FIGNL2: variants seen among roughly 807,000 people sequenced by gnomAD.
The protein encoded by FIGNL2 is fidgetin-like protein 2.
For synonymous variants in FIGNL2, 565 were observed against 484.0 expected (o/e 1.17, Z -2.20); for missense variants, 1,060 against 950.2 (o/e 1.12, Z -1.52).
rs190218546 is a variant in FIGNL2 at position 51,847,792 on chromosome 12, T to G, written c.-12+748A>C. On this transcript the variant is annotated intron_variant, in intron 1 of 1. Coordinates refer to ENST00000618634, the MANE Select transcript of FIGNL2 (RefSeq NM_001384995.1). The stretch of plus-strand genomic sequence containing the variant: ...GGGGGGTTGCTAGCATGCGAATCTC[T>G]GTGTAGAACAGGAGAGGGCTCTTGC... 2.5e-3 allele frequency: 2,487 copies of G among 984,850 alleles called. 28 individuals are homozygous for G. The Admixed American group carries it at 0.05, about 20-fold the overall frequency. The allele number at this position is 984,850 out of a possible 1,614,324, so 61.0% of individuals were successfully genotyped here. A position where few individuals can be genotyped will look rare whatever the true frequency, so the allele number is the denominator to read the frequency against.
intron 1 of FIGNL2, among the ~76,000 whole-genome samples, chr12:51,827,885 A>G (rs1939377080): frequency 6.6e-6 from 1 of 152,188 alleles, no homozygotes; most frequent in African/African-American, 2.4e-5. Flanking sequence ...TGTCATCCCC[A>G]TCGCCTCCCC....
chr12:51,836,254 G>A (rs1201152399), intron 1 of FIGNL2, among the ~76,000 whole-genome samples: 2 of 152,130 alleles, frequency 1.3e-5, no homozygotes, highest in Non-Finnish European at 2.9e-5. Context: ...AGGAGAGGAG[G>A]GACAGGCGGA....
intron 1 of FIGNL2, chr12:51,846,989 C>A: frequency 1.0e-6 from 1 of 983,164 alleles, no homozygotes; most frequent in Non-Finnish European, 1.2e-6. Context: ...CAGCAAGCCC[C>A]GCCCCTTTCC....
chr12:51,834,783 G>A (rs1408826783), intron 1 of FIGNL2, among the ~76,000 whole-genome samples: 1 of 152,246 alleles, frequency 6.6e-6, no homozygotes, highest in Admixed American at 6.5e-5. Context: ...GAGAGGCCAG[G>A]CCAGGGGCCC....
At chr12:51,844,819 C>T (rs1939717498) in intron 1 of FIGNL2, 1 of 985,304 alleles carries the variant, frequency 1.0e-6, no homozygotes, top group African/African-American at 1.7e-5. Context: ...CCAGTGTGAA[C>T]TCTTCCCACT....
At chr12:51,830,640 C>T (rs1032465464) in intron 1 of FIGNL2, among the ~76,000 whole-genome samples, 16 of 149,946 alleles carry the variant, frequency 1.1e-4, no homozygotes, top group Non-Finnish European at 1.6e-4. Flanking sequence ...TACAGGCGCC[C>T]ACCACTACAC....
chr12:51,829,478 G>C (rs1381563762), intron 1 of FIGNL2, among the ~76,000 whole-genome samples: 2 of 152,194 alleles, frequency 1.3e-5, no homozygotes, highest in Admixed American at 6.5e-5. Context: ...TCTTTCCCCA[G>C]TTCTGGGCCA....
chr12:51,820,533 C>T lies in FIGNL2; in HGVS notation c.1881G>A (p.Leu627=). The change falls in exon 2 of 2, where the codon CTG becomes CTA. Residue 627 remains leucine (L), a synonymous_variant. Transcript: ENST00000618634. ...PLSYKDLEAA[L]AKVGPRASAK... is the part of the protein sequence containing the mutation. ...CAGAGGCCCTAGGGCCCACCTTGGCCAGCGCCGCCTCCAGGTCCTTGTAGG... is the reference window on the plus strand; with the variant it reads ...CAGAGGCCCTAGGGCCCACCTTGGCTAGCGCCGCCTCCAGGTCCTTGTAGG... 1 of 1,556,396 alleles carries T rather than the reference C, an allele frequency of 6.4e-7. No individual in the cohort carries two copies.
At chr12:51,841,091 C>G (rs1406348545) in intron 1 of FIGNL2, among the ~76,000 whole-genome samples, 1 of 152,242 alleles carries the variant, frequency 6.6e-6, no homozygotes, top group Non-Finnish European at 1.5e-5. Context: ...CCCCTCCTGC[C>G]CTCTTCCCAG....
chr12:51,848,004 TA>T, intron 1 of FIGNL2: 1 of 675,948 alleles, frequency 1.5e-6, no homozygotes, highest in Non-Finnish European at 1.8e-6. Context: ...GCGGGGACCC[TA>T]AGTAGCCTCG....
Position 51,822,146 on chromosome 12 carries a change from T to G in FIGNL2, c.268A>C (p.Asn90His). ...GGCTCGGGATCCCCTTTGGCGCCGT[T>G]GAGGAAGGAGGCGTCGCTGTACCCG... ...LGGYSDASFL[N>H]GAKGDPEPWP... The change falls in exon 2 of 2, where the codon AAC becomes CAC. Residue 90 changes from asparagine (N) to histidine (H), a missense_variant. Physicochemically the swap from Asn to His is moderately conservative, Grantham distance 68. Coordinates refer to ENST00000618634, the MANE Select transcript of FIGNL2 (RefSeq NM_001384995.1). The G allele has an allele frequency of 6.2e-7, 1 of 1,611,332 alleles. No homozygotes were observed. Among genetic ancestry groups the G allele is most frequent in the East Asian group, 2.2e-5 (1 of 44,730 alleles).
At chr12:51,822,989 GATTCCAAGGCCCCGTGTGGGC>G (rs1264879022) in intron 1 of FIGNL2, among the ~76,000 whole-genome samples, 1 of 152,246 alleles carries the variant, frequency 6.6e-6, no homozygotes, top group East Asian at 1.9e-4. Flanking sequence ...GAGATTCTGA[GATTCCAAGGCCCCGTGTGGGC>G]CTGAGGTCAG....
intron 1 of FIGNL2, chr12:51,846,870 G>A (rs1391348097): frequency 8.6e-5 from 45 of 520,430 alleles, no homozygotes; most frequent in Non-Finnish European, 1.0e-4. Flanking sequence ...CACGAGGGTC[G>A]CTCCCGTCTG....
chr12:51,847,051 C>A, intron 1 of FIGNL2: 11 of 985,376 alleles, frequency 1.1e-5, no homozygotes, highest in Non-Finnish European at 1.3e-5. Flanking sequence ...CTCGCGCGGC[C>A]GCCCGGTACC....
rs1276923186 is a variant in FIGNL2 at position 51,822,249 on chromosome 12, A to G, written c.165T>C (p.Thr55=). 6.2e-7 allele frequency: 1 copy of G among 1,611,400 alleles called. No individual in the cohort carries two copies. The highest frequency in any genetic ancestry group is 1.1e-5 in the South Asian group (1 of 90,486). Residue 55 remains threonine, a synonymous_variant, in exon 2 of 2, where the codon ACT becomes ACC. Transcript: ENST00000618634. Reference sequence around the variant, plus strand: ...CATAGCGCTTTAGGAGGTTGGAGGCAGTGAGGGCTGAGATGTCGTCGTGTG... The same window carrying G: ...CATAGCGCTTTAGGAGGTTGGAGGCGGTGAGGGCTGAGATGTCGTCGTGTG... ...AWAHDDISAL[T]ASNLLKRYAE... is the part of the protein sequence containing the mutation.
chr12:51,847,794 T>A, intron 1 of FIGNL2: 1 of 985,240 alleles, frequency 1.0e-6, no homozygotes, highest in Non-Finnish European at 1.2e-6. Flanking sequence ...CGAATCTCTG[T>A]GTAGAACAGG....
chr12:51,820,958 A>C lies in FIGNL2; in HGVS notation c.1456T>G (p.Ser486Ala). 1.6e-6 allele frequency: 2 copies of C among 1,236,140 alleles called. No individual in the cohort carries two copies. The highest frequency in any genetic ancestry group is 2.0e-6 in the Non-Finnish European group (2 of 992,222). 76.6% of individuals were successfully genotyped at this position (1,236,140 alleles called of 1,614,324 possible). Residue 486 changes from serine to alanine, a missense_variant, in exon 2 of 2, where the codon TCC becomes GCC. Ser to Ala is a moderately conservative substitution (Grantham distance 99). Transcript: ENST00000618634. ...AFAAARCRPP[S>A]VLLISELEAL... ...TCTAGCTCGCTGATGAGGAGTACGG[A>C]GGGTGGGCGGCAGCGCGCGGCCGCG...
intron 1 of FIGNL2, among the ~76,000 whole-genome samples, chr12:51,834,405 C>A (rs1161536397): frequency 6.6e-6 from 1 of 152,176 alleles, no homozygotes; most frequent in Non-Finnish European, 1.5e-5. Flanking sequence ...CCTTCTGTTA[C>A]CCCCCACCCC....
At chr12:51,844,324 A>AC in intron 1 of FIGNL2, among the ~76,000 whole-genome samples, 1 of 151,690 alleles carries the variant, frequency 6.6e-6, no homozygotes, top group Middle Eastern at 3.4e-3. Context: ...CTCACTAAGA[A>AC]CCCCCACTCT....
Sources: gnomAD v4.1 joint callset for allele counts (sites outside exome capture counted in the v4.1 genomes callset) on GRCh38, gnomAD v4.1.1 for gene constraint, MANE v1.5 for transcripts, NCBI Gene and HGNC (gene_info 2026-07-23, HGNC 2026-07-21) for gene names.